The following INTS4 variants were observed in gnomAD, a reference collection of about 807,000 sequenced individuals.
INTS4 encodes MSTP093.
Under a neutral mutation model 119.5 loss-of-function variants are expected in INTS4, and 70 were observed. That is an observed-to-expected ratio of 0.59 (90% CI 0.48 to 0.71). INTS4 has a LOEUF of 0.71. Ranked by LOEUF, INTS4 falls within the 30% of genes least tolerant of loss-of-function variation. The probability of loss-of-function intolerance (pLI) is 0.00; values close to 1 mark genes in which losing one functional copy is unlikely to be tolerated. For missense variants in INTS4, 867 were observed against 1,173.2 expected (o/e 0.74, Z 3.81); for synonymous variants, 316 against 419.6 (o/e 0.75, Z 3.02).
At chr11:77,974,242 T>C (rs1855855440) in intron 4 of INTS4, among the ~76,000 whole-genome samples, 1 of 141,202 alleles carries the variant, frequency 7.1e-6, no homozygotes, top group South Asian at 2.3e-4. Context: ...TCTTTTCTTT[T>C]TTTTTTTTTT....
At chr11:77,956,696 G>T (rs1954331080) in intron 7 of INTS4, among the ~76,000 whole-genome samples, 1 of 143,734 alleles carries the variant, frequency 7.0e-6, no homozygotes, top group African/African-American at 2.6e-5. Context: ...AACAGAGCGA[G>T]ACTCCATCTC....
At chr11:77,994,429 C>G (rs930409404) in intron 1 of INTS4, among the ~76,000 whole-genome samples, 161 bp downstream of exon 1, 1 of 152,194 alleles carries the variant, frequency 6.6e-6, no homozygotes, top group African/African-American at 2.4e-5. Flanking sequence ...ACAACAGCGG[C>G]TGCAAACTAA....
chr11:77,909,396 A>C (rs1953037810), intron 15 of INTS4, among the ~76,000 whole-genome samples: 1 of 152,226 alleles, frequency 6.6e-6, no homozygotes, highest in Non-Finnish European at 1.5e-5. Context: ...GTCCAAAATC[A>C]AGACACCTAC....
At chr11:77,927,109 T>C (rs1015314183) in intron 11 of INTS4, among the ~76,000 whole-genome samples, 1 of 151,980 alleles carries the variant, frequency 6.6e-6, no homozygotes, top group Non-Finnish European at 1.5e-5. Context: ...AAAATTACAT[T>C]GAAGGTAAAA....
At chr11:77,939,891 C>T (rs1262315535) in intron 9 of INTS4, among the ~76,000 whole-genome samples, 1 of 151,824 alleles carries the variant, frequency 6.6e-6, no homozygotes, top group African/African-American at 2.4e-5. Flanking sequence ...AAAAACCATG[C>T]ACAAGAAAAA....
intron 4 of INTS4, among the ~76,000 whole-genome samples, chr11:77,975,160 C>T (rs1026673729): frequency 2.6e-5 from 4 of 151,530 alleles, no homozygotes; most frequent in Admixed American, 2.0e-4. Flanking sequence ...CTTTTTCCAG[C>T]ATCTTAAGTT....
rs181180764 is a variant in INTS4 at position 77,900,271 on chromosome 11, A to T, written c.2228+1150T>A. ...CATGCCACCATGCCCGGCTAATTTT[A>T]TGTATTTTTAGTAGAGACAGGGTTT... On this transcript the variant is annotated intron_variant, in intron 18 of 22. Coordinates refer to ENST00000534064, the MANE Select transcript of INTS4 (RefSeq NM_033547.4). 6.1e-3 allele frequency among the ~76,000 whole-genome samples: 928 copies of T among 151,622 alleles called. 9 individuals are homozygous for T. The highest frequency in any genetic ancestry group is 0.02 in the African/African-American group (830 of 41,348).
At chr11:77,903,724 T>G (rs2276349) in intron 16 of INTS4, 104 bp from the exon 17 acceptor site, 279,384 of 756,524 alleles carry the variant, frequency 0.37, 53,713 homozygotes, top group African/African-American at 0.45. Context: ...CCCATGAACA[T>G]GACTTCTCAA....
At chr11:77,883,698 A>AGC in intron 22 of INTS4, 134 bp downstream of exon 22, 11 of 960,642 alleles carry the variant, frequency 1.1e-5, no homozygotes, top group South Asian at 1.7e-5. Context: ...AGTGCTTATA[A>AGC]ACTCATTAAG....
At position 77,991,277 on chromosome 11, in the gene INTS4, TTAG is replaced by T. The variant is rs756641747; in HGVS notation, c.74_76del (p.Thr25del). On this transcript the variant is annotated inframe_deletion, in exon 2 of 23. Transcript: ENST00000534064. ...ACTTGGTTTTGTTAGTCGGAGTTTC[TTAG>T]TAGCAATTTCCTCCTGTGGCTGCAA... The T allele has an allele frequency of 1.2e-6, 2 of 1,613,622 alleles. No homozygotes were observed. The highest frequency in any genetic ancestry group is 2.2e-5 in the South Asian group (2 of 91,044).
intron 4 of INTS4, among the ~76,000 whole-genome samples, chr11:77,962,129 T>C (rs1954490759): frequency 6.6e-6 from 1 of 151,624 alleles, no homozygotes; most frequent in African/African-American, 2.4e-5. Context: ...CCTGGGCAAA[T>C]GGGACTATAG....
intron 15 of INTS4, among the ~76,000 whole-genome samples, chr11:77,909,034 T>C (rs1310289692): frequency 2.0e-5 from 3 of 152,220 alleles, no homozygotes; most frequent in Non-Finnish European, 4.4e-5. Context: ...GTTGACCTTA[T>C]CAGTTCAGTT....
downstream of INTS4, among the ~76,000 whole-genome samples, chr11:77,878,015 T>C (rs572106356): frequency 1.3e-5 from 2 of 152,306 alleles, no homozygotes; most frequent in African/African-American, 4.8e-5. Context: ...AGCTCTTCTA[T>C]ATTATTTATT....
chr11:77,938,651 C>G lies in INTS4; in HGVS notation c.1165G>C (p.Glu389Gln), dbSNP rs1370739058. Residue 389 changes from glutamate (E) to glutamine (Q), a missense_variant and splice_region_variant, in exon 10 of 23, where the codon GAG (glutamate) becomes CAG (glutamine). By Grantham distance (29) the Glu-to-Gln change is conservative. This residue lies in a region of INTS4 where 208 missense variants were observed against 306.6 expected (regional missense o/e 0.68). Transcript: ENST00000534064. ...FVHGLEDEMY[E>Q]VRIAAVEALC... ...ATTGCTATTATACAGTCATACTTAC[C>G]ATACATCTCATCTTCCAACCCATGA... 1 of 1,610,330 alleles carries G rather than the reference C, an allele frequency of 6.2e-7. No individual in the cohort carries two copies. Among genetic ancestry groups the G allele is most frequent in the South Asian group, 1.1e-5 (1 of 90,736 alleles).
Position 77,901,505 on chromosome 11 carries a change from T to C in INTS4, c.2144A>G (p.Glu715Gly). Residue 715 changes from glutamate (E) to glycine (G), a missense_variant, in exon 18 of 23, where the codon GAG (glutamate) becomes GGG (glycine). Coordinates refer to ENST00000534064, the MANE Select transcript of INTS4 (RefSeq NM_033547.4). ...ATGTATAATCACCACCTGCTTATTC[T>C]CCACACCACTGTACATGAATTCCAT... ...YKMEFMYSGV[E>G]NKQVVIIHHM... is the part of the protein sequence containing the mutation. 6.2e-7 allele frequency: 1 copy of C among 1,612,496 alleles called. No individual in the cohort carries two copies. The highest frequency in any genetic ancestry group is 1.1e-5 in the South Asian group (1 of 91,056).
In INTS4 at chr11:77,925,416, T is replaced by C. The variant is rs751570896; in HGVS notation, c.1372-524A>G. On this transcript the variant is annotated intron_variant, in intron 11 of 22. Coordinates refer to ENST00000534064, the MANE Select transcript of INTS4 (RefSeq NM_033547.4). ...GTGACACAGACATAAAGTGAGCACATGCTATTGGAAAAATGGCACCGATAG... is the reference window on the plus strand; with the variant it reads ...GTGACACAGACATAAAGTGAGCACACGCTATTGGAAAAATGGCACCGATAG... 3.5e-4 allele frequency among the ~76,000 whole-genome samples: 53 copies of C among 152,176 alleles called. 1 individual carries two copies. The highest frequency in any genetic ancestry group is 6.5e-4 in the Non-Finnish European group (44 of 68,028).
intron 8 of INTS4, among the ~76,000 whole-genome samples, chr11:77,947,361 T>C (rs1255502826): frequency 1.3e-5 from 2 of 152,136 alleles, no homozygotes; most frequent in African/African-American, 4.8e-5. Flanking sequence ...TACATTATAA[T>C]CAAACTATCG....
intron 4 of INTS4, among the ~76,000 whole-genome samples, chr11:77,963,685 AT>A (rs1019011625): frequency 4.6e-5 from 7 of 150,722 alleles, no homozygotes; most frequent in Admixed American, 2.0e-4. Context: ...ATCGATATGG[AT>A]TTTTTTTTTC....
chr11:77,911,023 T>A (rs1315438327), intron 15 of INTS4: 2 of 1,288,922 alleles, frequency 1.6e-6, no homozygotes, highest in African/African-American at 3.0e-5. Context: ...GCATAACACA[T>A]CAGGTTTCAC....
Sources: allele counts gnomAD v4.1 joint callset (sites outside exome capture counted in the v4.1 genomes callset), GRCh38; gene constraint gnomAD v4.1.1; regional missense constraint gnomAD v4.1.1; transcripts MANE v1.5; gene names NCBI Gene and HGNC (gene_info 2026-07-23, HGNC 2026-07-21).